The following DOCK2 variants were observed in gnomAD, a reference collection of about 807,000 sequenced individuals.
DOCK2 encodes the protein dedicator of cytokinesis protein 2.
Under a neutral mutation model 248.9 loss-of-function variants are expected in DOCK2, and 87 were observed. That is an observed-to-expected ratio of 0.35 (90% CI 0.29 to 0.42). The LOEUF is 0.42. DOCK2 is among the 10% of genes least tolerant of loss of function. The pLI is 1.00. For synonymous variants in DOCK2, 805 were observed against 821.6 expected (o/e 0.98, Z 0.35); for missense variants, 1,747 against 2,300.2 (o/e 0.76, Z 4.92).
intron 27 of DOCK2, among the ~76,000 whole-genome samples, chr5:169,853,928 C>T (rs1157995752): frequency 2.2e-5 from 3 of 137,370 alleles, no homozygotes; most frequent in Non-Finnish European, 3.0e-5. Flanking sequence ...CTCTGCCTCC[C>T]GGGTTCACAC....
intron 9 of DOCK2, among the ~76,000 whole-genome samples, chr5:169,691,446 T>C (rs1760296138): frequency 6.6e-6 from 1 of 152,234 alleles, no homozygotes; most frequent in South Asian, 2.1e-4. Flanking sequence ...CTACTATGCA[T>C]GTGCTCTGTG....
chr5:169,989,687 G>A (rs943110624), intron 29 of DOCK2, among the ~76,000 whole-genome samples: 4 of 152,210 alleles, frequency 2.6e-5, no homozygotes, highest in Admixed American at 1.3e-4. Flanking sequence ...AATTCCATCT[G>A]AGCAAGATCC....
chr5:170,039,387 A>T (rs12055169), intron 36 of DOCK2, among the ~76,000 whole-genome samples: 61,982 of 151,994 alleles, frequency 0.41, 13,746 homozygotes, highest in East Asian at 0.61. Context: ...TATGTATCTG[A>T]TGATTTGATT....
chr5:169,645,753 T>C (rs1352683503), intron 1 of DOCK2, among the ~76,000 whole-genome samples: 1 of 152,120 alleles, frequency 6.6e-6, no homozygotes, highest in African/African-American at 2.4e-5. Context: ...AATTTTTATT[T>C]ATTTATTTTT....
At chr5:169,728,359 A>T (rs1474872802) in intron 22 of DOCK2, among the ~76,000 whole-genome samples, 1 of 152,214 alleles carries the variant, frequency 6.6e-6, no homozygotes, top group Non-Finnish European at 1.5e-5. Context: ...ATTTGAAGCT[A>T]TAGCACAAGG....
Position 169,871,582 on chromosome 5 carries a change from A to C in DOCK2, c.2799+30730A>C, listed in dbSNP as rs149883392. 9.5e-3 allele frequency among the ~76,000 whole-genome samples: 1,442 copies of C among 152,366 alleles called. 22 individuals carry two copies. Among genetic ancestry groups the C allele is most frequent in the African/African-American group, 0.033 (1,367 of 41,584 alleles). ...TGCCAAGGGCATGTAAATATAAGTG[A>C]CAGAGTCAGAATCCGAACCCTGACA... On this transcript the variant is annotated intron_variant, in intron 27 of 51. Transcript: ENST00000520908.
intron 27 of DOCK2, among the ~76,000 whole-genome samples, chr5:169,855,273 C>T (rs552724664): frequency 3.9e-5 from 6 of 152,310 alleles, no homozygotes; most frequent in African/African-American, 7.2e-5. Flanking sequence ...AGTAATAATG[C>T]GACTCTCCTT....
intron 26 of DOCK2, among the ~76,000 whole-genome samples, chr5:169,817,222 G>A (rs572736756): frequency 3.9e-5 from 6 of 152,284 alleles, no homozygotes; most frequent in Non-Finnish European, 7.4e-5. Flanking sequence ...TGGCTTTATT[G>A]TAGAATTTAG....
intron 27 of DOCK2, among the ~76,000 whole-genome samples, chr5:169,917,482 T>G (rs1253068748): frequency 4.6e-5 from 7 of 152,214 alleles, no homozygotes; most frequent in Non-Finnish European, 1.0e-4. Flanking sequence ...GTGGAGCAGA[T>G]TATTTTTTGA....
At chr5:169,857,375 CA>C (rs1269267959) in intron 27 of DOCK2, among the ~76,000 whole-genome samples, 2 of 152,160 alleles carry the variant, frequency 1.3e-5, no homozygotes, top group African/African-American at 4.8e-5. Context: ...AAGATCTTGG[CA>C]GGGGGAAGGG....
chr5:169,652,735 GGAGGGAAGAGA>G (rs940930458), intron 1 of DOCK2, among the ~76,000 whole-genome samples: 1 of 152,146 alleles, frequency 6.6e-6, no homozygotes, highest in African/African-American at 2.4e-5. Flanking sequence ...GAAGGAGGAA[GGAGGGAAGAGA>G]GAGGGAAGGA....
Position 169,716,125 on chromosome 5 carries a change from C to G in DOCK2, c.1942-88C>G, listed in dbSNP as rs1761900794. 2.6e-6 allele frequency: 3 copies of G among 1,174,766 alleles called. No individual in the cohort carries two copies. The Admixed American group carries it at 5.4e-5, about 21-fold the overall frequency. 72.8% of individuals were successfully genotyped at this position (1,174,766 alleles called of 1,614,324 possible). A position where few individuals can be genotyped will look rare whatever the true frequency, so the allele number is the denominator to read the frequency against. ...CATGTGGTGGATGTGTGCTCTCATT[C>G]TCTTATAGATAGTTAGGAGTGGGAT... On this transcript the variant is annotated intron_variant, in intron 19 of 51. Transcript: ENST00000520908.
At chr5:169,720,377 T>C (rs1762131781) in intron 22 of DOCK2, among the ~76,000 whole-genome samples, 1 of 152,164 alleles carries the variant, frequency 6.6e-6, no homozygotes, top group Non-Finnish European at 1.5e-5. Flanking sequence ...TTCTCAGACC[T>C]TTTCAGTTCT....
chr5:169,740,820 C>G (rs1454266973), intron 22 of DOCK2, among the ~76,000 whole-genome samples: 1 of 152,266 alleles, frequency 6.6e-6, no homozygotes, highest in African/African-American at 2.4e-5. Context: ...TCTCTGACCA[C>G]TGTGTATGTG....
intron 27 of DOCK2, among the ~76,000 whole-genome samples, chr5:169,947,808 G>A (rs914502053): frequency 1.3e-5 from 2 of 152,168 alleles, no homozygotes; most frequent in African/African-American, 4.8e-5. Context: ...CCTGCTGGGT[G>A]AGCATGAGCA....
intron 1 of DOCK2, among the ~76,000 whole-genome samples, chr5:169,642,904 A>G (rs1405469811): frequency 6.6e-6 from 1 of 151,912 alleles, no homozygotes; most frequent in Non-Finnish European, 1.5e-5. Flanking sequence ...GATGAAATGT[A>G]GTCACCATAC....
chr5:169,955,632 A>T (rs1356771231), intron 27 of DOCK2, among the ~76,000 whole-genome samples: 1 of 152,222 alleles, frequency 6.6e-6, no homozygotes, highest in Admixed American at 6.5e-5. Context: ...ATGAAGCAGT[A>T]TCATGCAGGA....
At chr5:169,701,462 T>G (rs1268934127) in intron 13 of DOCK2, among the ~76,000 whole-genome samples, 1 of 152,220 alleles carries the variant, frequency 6.6e-6, no homozygotes, top group Admixed American at 6.5e-5. Context: ...ACCTGAGACT[T>G]CAGTTACTTG....
At chr5:169,985,968 C>T (rs1268170538) in intron 29 of DOCK2, 46 bp downstream of exon 29, 1 of 1,514,952 alleles carries the variant, frequency 6.6e-7, no homozygotes, top group South Asian at 1.3e-5. Flanking sequence ...CCAGCCCTCA[C>T]TTCAAAGATC....
Sources: gnomAD v4.1 joint callset for allele counts (sites outside exome capture counted in the v4.1 genomes callset) on GRCh38, gnomAD v4.1.1 for gene constraint, MANE v1.5 for transcripts, NCBI Gene and HGNC (gene_info 2026-07-23, HGNC 2026-07-21) for gene names.